GPC5: variants seen among roughly 807,000 people sequenced by gnomAD.
The protein encoded by GPC5 is glypican 5.
GPC5 carries 47 observed loss-of-function variants against 53.9 expected under a neutral mutation model. The observed-to-expected ratio is 0.87, with a 90% confidence interval of 0.69 to 1.11. The LOEUF is 1.11. Among genes scored for constraint, GPC5 ranks in the 50% most tolerant of loss-of-function variants. The pLI is 0.00. For missense variants in GPC5, 748 were observed against 713.1 expected, an observed-to-expected ratio of 1.05 and a Z score of -0.56; for synonymous variants, 286 against 263.3, an observed-to-expected ratio of 1.09 and a Z score of -0.84.
chr13:92,653,915 G>A (rs1338002829), intron 7 of GPC5, among the ~76,000 whole-genome samples: 2 of 152,334 alleles, frequency 1.3e-5, no homozygotes, highest in East Asian at 3.9e-4. Context: ...AGTGAAGTAT[G>A]AGAACTGAAG....
intron 6 of GPC5, among the ~76,000 whole-genome samples, chr13:91,970,201 A>G (rs2040228134): frequency 6.6e-6 from 1 of 152,178 alleles, no homozygotes; most frequent in Non-Finnish European, 1.5e-5. Context: ...GATTTAATTT[A>G]TATGTGGAAC....
intron 6 of GPC5, among the ~76,000 whole-genome samples, chr13:92,048,087 G>A (rs1200395002): frequency 2.0e-5 from 3 of 151,846 alleles, no homozygotes; most frequent in South Asian, 2.1e-4. Flanking sequence ...AACCTTAGAC[G>A]ATAGATAACA....
At chr13:91,832,806 G>A (rs111579065) in intron 5 of GPC5, among the ~76,000 whole-genome samples, 6,726 of 152,014 alleles carry the variant, frequency 0.044, 174 homozygotes, top group Middle Eastern at 0.068. Context: ...ATCTAAAATT[G>A]ACACCCTAAC....
chr13:91,484,179 G>T (rs1042744882), intron 2 of GPC5, among the ~76,000 whole-genome samples: 1 of 152,016 alleles, frequency 6.6e-6, no homozygotes, highest in African/African-American at 2.4e-5. Flanking sequence ...AATTTTCATT[G>T]CATTGAAGCG....
chr13:92,491,898 T>G (rs1355147299), intron 7 of GPC5, among the ~76,000 whole-genome samples: 1 of 152,178 alleles, frequency 6.6e-6, no homozygotes, highest in Non-Finnish European at 1.5e-5. Flanking sequence ...TCAAAGGAGA[T>G]TCTTGTTAAC....
At chr13:91,489,320 T>C (rs1225326854) in intron 2 of GPC5, among the ~76,000 whole-genome samples, 3 of 152,158 alleles carry the variant, frequency 2.0e-5, no homozygotes, top group Non-Finnish European at 4.4e-5. Flanking sequence ...ACATGTGATG[T>C]CTCCCCCGGA....
chr13:92,016,163 C>T (rs535565941), intron 6 of GPC5, among the ~76,000 whole-genome samples: 8 of 152,116 alleles, frequency 5.3e-5, no homozygotes, highest in Non-Finnish European at 1.2e-4. Flanking sequence ...GTCAAATGCA[C>T]GCTATGGAAC....
rs1566403212 is a variant in GPC5, at chr13:92,031,752, T to TATATTACATATATATAATATATAA, written c.1402-113078_1402-113077insATATTACATATATATAATATATAA. ...TATTACATATTATATATAATATATATTATATTACATATTATATATAATATA... is the reference window on the plus strand; with the variant it reads ...TATTACATATTATATATAATATATATATATTACATATATATAATATATAATATATTACATATTATATATAATATA... On this transcript the variant is annotated intron_variant, in intron 6 of 7. Coordinates refer to ENST00000377067, the MANE Select transcript of GPC5 (RefSeq NM_004466.6). Among the ~76,000 whole-genome samples the TATATTACATATATATAATATATAA allele has an allele frequency of 2.3e-3, 100 of 43,730 alleles. 11 individuals are homozygous for TATATTACATATATATAATATATAA. Among genetic ancestry groups the TATATTACATATATATAATATATAA allele is most frequent in the African/African-American group, 0.012 (96 of 7,738 alleles). 28.7% of individuals were successfully genotyped at this position (43,730 alleles called of 152,430 possible).
chr13:91,567,994 T>C (rs2031612429), intron 2 of GPC5, among the ~76,000 whole-genome samples: 2 of 152,164 alleles, frequency 1.3e-5, no homozygotes, highest in African/African-American at 2.4e-5. Context: ...CGAGATCTGA[T>C]GGTTTTATAA....
At chr13:91,418,249 C>T (rs1403288909) in intron 1 of GPC5, among the ~76,000 whole-genome samples, 1 of 152,028 alleles carries the variant, frequency 6.6e-6, no homozygotes, top group African/African-American at 2.4e-5. Context: ...CAGCCATATT[C>T]TAGAAGTCAA....
intron 7 of GPC5, among the ~76,000 whole-genome samples, chr13:92,301,190 T>C (rs2043072864): frequency 6.6e-6 from 1 of 152,188 alleles, no homozygotes; most frequent in Non-Finnish European, 1.5e-5. Flanking sequence ...GATATCAAGT[T>C]GGGTATTTAT....
chr13:92,176,578 G>A lies in GPC5; in HGVS notation c.1561+31589G>A, dbSNP rs115865265. Among the ~76,000 whole-genome samples, 768 of 152,266 alleles carry A rather than the reference G, an allele frequency of 5.0e-3. 12 individuals carry two copies. The highest frequency in any genetic ancestry group is 0.018 in the African/African-American group (740 of 41,548). On this transcript the variant is annotated intron_variant, in intron 7 of 7. Coordinates refer to ENST00000377067, the MANE Select transcript of GPC5 (RefSeq NM_004466.6). Reference sequence around the variant, plus strand: ...GAAGGGTTTGACCCAAGGCATCAAAGCTTTGGATTCTGATTTTCCTTTGTC... The same window carrying A: ...GAAGGGTTTGACCCAAGGCATCAAAACTTTGGATTCTGATTTTCCTTTGTC...
At chr13:92,251,598 T>C (rs1419337366) in intron 7 of GPC5, among the ~76,000 whole-genome samples, 1 of 152,092 alleles carries the variant, frequency 6.6e-6, no homozygotes, top group African/African-American at 2.4e-5. Context: ...GCTTCAGTTA[T>C]AAAATTAGCT....
chr13:91,535,365 A>C (rs192414199), intron 2 of GPC5, among the ~76,000 whole-genome samples: 8 of 152,290 alleles, frequency 5.3e-5, no homozygotes, highest in Non-Finnish European at 1.2e-4. Context: ...AGGTCCTGCT[A>C]TCTTGTGTTG....
At chr13:92,664,436 T>TC (rs1886503391) in intron 7 of GPC5, among the ~76,000 whole-genome samples, 1 of 152,096 alleles carries the variant, frequency 6.6e-6, no homozygotes, top group African/African-American at 2.4e-5. Flanking sequence ...TTTTGCTAAC[T>TC]TTTGTACATT....
At chr13:92,748,492 T>C (rs1021939682) in intron 7 of GPC5, among the ~76,000 whole-genome samples, 1 of 151,796 alleles carries the variant, frequency 6.6e-6, no homozygotes, top group Non-Finnish European at 1.5e-5. Flanking sequence ...GCTAATTGTT[T>C]GTAATTTTTT....
At chr13:91,601,515 G>A (rs896197588) in intron 2 of GPC5, among the ~76,000 whole-genome samples, 6 of 152,058 alleles carry the variant, frequency 3.9e-5, no homozygotes, top group Non-Finnish European at 7.4e-5. Flanking sequence ...AGAGATGAGC[G>A]GCAGGTGAGC....
chr13:92,265,472 A>T (rs535544193), intron 7 of GPC5, among the ~76,000 whole-genome samples: 8 of 152,210 alleles, frequency 5.3e-5, no homozygotes, highest in Middle Eastern at 3.4e-3. Context: ...TCCATTTTTC[A>T]GTAAGATTTT....
chr13:92,095,455 C>A (rs1007107145), intron 6 of GPC5, among the ~76,000 whole-genome samples: 22 of 152,138 alleles, frequency 1.4e-4, no homozygotes, highest in Admixed American at 1.0e-3. Flanking sequence ...TCAAGCAATT[C>A]TCCTGTCTCA....
Sources: allele counts gnomAD v4.1 joint callset (sites outside exome capture counted in the v4.1 genomes callset), GRCh38; gene constraint gnomAD v4.1.1; transcripts MANE v1.5; gene names NCBI Gene and HGNC (gene_info 2026-07-23, HGNC 2026-07-21).